LONRF2: variants seen among roughly 807,000 people sequenced by gnomAD.
The protein encoded by LONRF2 is LON peptidase N-terminal domain and RING finger protein 2.
In LONRF2, 35 loss-of-function variants were observed where a neutral mutation model predicts 66.6. The observed-to-expected ratio is 0.53, with a 90% CI of 0.40 to 0.70. The LOEUF (loss-of-function observed/expected upper bound fraction) is 0.70, where lower values mean the gene tolerates loss of function less well. Ranked by LOEUF, LONRF2 falls within the 30% of genes least tolerant of loss-of-function variation. The pLI, the probability that LONRF2 is intolerant of heterozygous loss-of-function variation, is 0.00. For synonymous variants in LONRF2, 417 were observed against 418.1 expected, an observed-to-expected ratio of 1.00 and a Z score of 0.03; for missense variants, 902 against 1,002.1, an observed-to-expected ratio of 0.90 and a Z score of 1.35.
At chr2:100,296,800 A>G (rs116418091) in intron 7 of LONRF2, among the ~76,000 whole-genome samples, 3,566 of 152,308 alleles carry the variant, frequency 0.023, 58 homozygotes, top group Non-Finnish European at 0.035. Flanking sequence ...GTAATACAAT[A>G]AAACATGCTC....
chr2:100,288,835 C>T (rs1674897663), intron 10 of LONRF2, among the ~76,000 whole-genome samples: 1 of 152,170 alleles, frequency 6.6e-6, no homozygotes, highest in East Asian at 1.9e-4. Context: ...GGTAGTATTC[C>T]ATTGCATGAA....
In LONRF2 at chr2:100,272,851, C is replaced by G. The variant is rs1023049503; in HGVS notation, c.*11447G>C. ...TTTAAAAGTAATTATGGTTTTAAGC[C>G]AAAGCCATTGGCAGCCCTCTTTCCT... On this transcript the variant is annotated 3_prime_UTR_variant, in exon 12 of 12. Transcript: ENST00000393437. Among the ~76,000 whole-genome samples the G allele has an allele frequency of 6.6e-6, 1 of 152,156 alleles. No individual in the cohort carries two copies.
intron 3 of LONRF2, 23 bp from the exon 4 acceptor site, chr2:100,300,810 A>G: frequency 6.5e-7 from 1 of 1,543,470 alleles, no homozygotes; most frequent in Non-Finnish European, 8.7e-7. Flanking sequence ...CAAGAAAAGA[A>G]AAAATATATA....
At position 100,279,238 on chromosome 2, in the gene LONRF2, A is replaced by AC. The variant is rs1412001277; in HGVS notation, c.*5059dup. On this transcript the variant is annotated 3_prime_UTR_variant, in exon 12 of 12. Coordinates refer to ENST00000393437, the MANE Select transcript of LONRF2 (RefSeq NM_198461.4). ...CAGCCACACAACCGCCAGACCTGCC[A>AC]CCCCGAGCCGAGAAACACCGCGATA... The AC allele has an allele frequency of 2.6e-5, 4 of 151,978 alleles. No individual in the cohort carries two copies. Among genetic ancestry groups the AC allele is most frequent in the African/African-American group, 9.7e-5 (4 of 41,390 alleles). 9.4% of individuals were successfully genotyped at this position (151,978 alleles called of 1,614,324 possible). A position where few individuals can be genotyped will look rare whatever the true frequency, so the allele number is the denominator to read the frequency against.
chr2:100,308,752 A>T (rs1675346733), intron 2 of LONRF2, among the ~76,000 whole-genome samples: 2 of 152,358 alleles, frequency 1.3e-5, no homozygotes, highest in South Asian at 4.1e-4. Context: ...GCTAATCATG[A>T]TCATTATGTG....
In LONRF2 at chr2:100,299,217, C is replaced by T. The variant is rs760868934; in HGVS notation, c.1361+9G>A. The T allele has an allele frequency of 1.7e-5, 26 of 1,553,326 alleles. No individual in the cohort carries two copies. The highest frequency in any genetic ancestry group is 2.2e-5 in the Non-Finnish European group (25 of 1,148,156). On this transcript the variant is annotated intron_variant, in intron 6 of 11. Transcript: ENST00000393437. ...TTAAAAGAGTTGCACGGATTCTGTA[C>T]CATCCTACCTCATGCAGAGGGCACA...
In LONRF2 at chr2:100,297,300, GTTTTTGTATTTTTT is replaced by G. The variant is rs1212231853; in HGVS notation, c.1476+1522_1476+1535del. Among the ~76,000 whole-genome samples the G allele has an allele frequency of 5.2e-4, 36 of 69,228 alleles. No individual in the cohort carries two copies. The South Asian group carries it at 0.014, about 26-fold the overall frequency. The allele number at this position is 69,228 out of a possible 152,430, so 45.4% of individuals were successfully genotyped here. A position where few individuals can be genotyped will look rare whatever the true frequency, so the allele number is the denominator to read the frequency against. ...CCCGCCACCATACCTGGCTAATTTTGTTTTTGTATTTTTTTTTTAGTAGAGACGGGGTTTCACCG... is the reference window on the plus strand; with the variant it reads ...CCCGCCACCATACCTGGCTAATTTTGTTTTAGTAGAGACGGGGTTTCACCG... On this transcript the variant is annotated intron_variant, in intron 7 of 11. Transcript: ENST00000393437.
Position 100,284,483 on chromosome 2 carries a change from TG to T in LONRF2, c.2079del (p.Ser694AlafsTer26). On this transcript the variant is annotated frameshift_variant, in exon 12 of 12. Coordinates refer to ENST00000393437, the MANE Select transcript of LONRF2 (RefSeq NM_198461.4). LOFTEE classifies it low-confidence loss of function (END_TRUNC). ...ATCCACCAGGACCAGGCAGGGCCGCTGGGATTACTCTGCAAAAGAGATGAGG... is the reference window on the plus strand; with the variant it reads ...ATCCACCAGGACCAGGCAGGGCCGCTGGATTACTCTGCAAAAGAGATGAGG... ...PDREPEPQSN[P>X]SGPAWSWWIL... 6.3e-7 allele frequency: 1 copy of T among 1,588,422 alleles called. No homozygotes were observed. Among genetic ancestry groups the T allele is most frequent in the Non-Finnish European group, 8.6e-7 (1 of 1,167,618 alleles).
chr2:100,307,035 C>A (rs1450814310), intron 2 of LONRF2, among the ~76,000 whole-genome samples: 1 of 151,610 alleles, frequency 6.6e-6, no homozygotes, highest in Non-Finnish European at 1.5e-5. Context: ...ATTCTCCTGC[C>A]TCCGCCTCCC....
At chr2:100,301,416 G>A (rs1051085044) in intron 3 of LONRF2, among the ~76,000 whole-genome samples, 1 of 152,202 alleles carries the variant, frequency 6.6e-6, no homozygotes, top group African/African-American at 2.4e-5. Flanking sequence ...AAGCAGAAAG[G>A]AGTGACTGAA....
intron 6 of LONRF2, 74 bp downstream of exon 6, chr2:100,299,152 C>T (rs1675127959): frequency 5.5e-6 from 6 of 1,097,226 alleles, no homozygotes; most frequent in Non-Finnish European, 6.6e-6. Context: ...TAATAAAAAG[C>T]CCATTACACT....
chr2:100,284,256 TAAA>T lies in LONRF2; in HGVS notation c.*39_*41del, dbSNP rs764567592. ...GCTATTCGTCCATGCCTGACATTTA[TAAA>T]AGCACAAGGGCTGCCAGAAACCTTG... On this transcript the variant is annotated 3_prime_UTR_variant, in exon 12 of 12. Coordinates refer to ENST00000393437, the MANE Select transcript of LONRF2 (RefSeq NM_198461.4). 14 of 1,450,376 alleles carry T rather than the reference TAAA, an allele frequency of 9.7e-6. No individual in the cohort carries two copies. In the African/African-American group the frequency reaches 2.0e-4, roughly 21 times the overall value. The allele number at this position is 1,450,376 out of a possible 1,614,324, so 89.8% of individuals were successfully genotyped here.
chr2:100,272,010 A>G lies in LONRF2; in HGVS notation c.*12288T>C, dbSNP rs182161868. On this transcript the variant is annotated 3_prime_UTR_variant, in exon 12 of 12. Transcript: ENST00000393437. ...AAAATGCCTGATCCTTACAACTCAC[A>G]TATAAAAGACTTCATCAGAGGTTTT... 1.3e-5 allele frequency among the ~76,000 whole-genome samples: 2 copies of G among 152,244 alleles called. No homozygotes were observed. Among genetic ancestry groups the G allele is most frequent in the Non-Finnish European group, 2.9e-5 (2 of 68,042 alleles).
chr2:100,321,719 G>T lies in LONRF2; in HGVS notation c.375C>A (p.Pro125=). The change falls in exon 1 of 12, where the codon CCC becomes CCA. Residue 125 remains proline (P), a synonymous_variant. Coordinates refer to ENST00000393437, the MANE Select transcript of LONRF2 (RefSeq NM_198461.4). ...GCTCCGGGGCCGGCCCTCCCTCGCC[G>T]GGCGCCTCGGGCTCGCCGCCCGGGT... is the stretch of plus-strand genomic sequence containing the variant. The part of the protein sequence containing the change: ...AENPGGEPEA[P]GEGGPAPEPR... The T allele has an allele frequency of 8.7e-7, 1 of 1,150,662 alleles. No individual in the cohort carries two copies. The highest frequency in any genetic ancestry group is 1.1e-6 in the Non-Finnish European group (1 of 938,336). The allele number at this position is 1,150,662 out of a possible 1,614,324, so 71.3% of individuals were successfully genotyped here.
At chr2:100,307,002 C>G (rs895523612) in intron 2 of LONRF2, among the ~76,000 whole-genome samples, 30 of 150,448 alleles carry the variant, frequency 2.0e-4, no homozygotes, top group African/African-American at 5.2e-4. Flanking sequence ...CTCACTGCAA[C>G]CTCCGCCTCC....
In LONRF2 at chr2:100,321,886, G is replaced by T; in HGVS notation, c.208C>A (p.Arg70Ser). 1 of 1,230,438 alleles carries T rather than the reference G, an allele frequency of 8.1e-7. No homozygotes were observed. The highest frequency in any genetic ancestry group is 3.4e-5 in the South Asian group (1 of 29,654). The allele number at this position is 1,230,438 out of a possible 1,614,324, so 76.2% of individuals were successfully genotyped here. The change falls in exon 1 of 12, where the codon CGC becomes AGC. Residue 70 changes from arginine (R) to serine (S), a missense_variant. Around this residue, in one of 2 missense-constraint regions of LONRF2, gnomAD observed 585 missense variants for 569.9 expected, o/e 1.03. Coordinates refer to ENST00000393437, the MANE Select transcript of LONRF2 (RefSeq NM_198461.4). The stretch of plus-strand genomic sequence containing the variant: ...AGGGCTTCGGGGAGGCGGCCGGCGC[G>T]GGCCAGCGCGTCCCCCAGCCTCAGG... ...LCLRLGDALARAGRLPEALGA... is the reference protein window; with the variant it reads ...LCLRLGDALASAGRLPEALGA...
At chr2:100,310,389 C>T (rs1675385879) in intron 1 of LONRF2, among the ~76,000 whole-genome samples, 1 of 152,226 alleles carries the variant, frequency 6.6e-6, no homozygotes, top group South Asian at 2.1e-4. Flanking sequence ...TCTCATCCCT[C>T]TACCTAATGT....
Position 100,321,438 on chromosome 2 carries a change from C to T in LONRF2, c.656G>A (p.Arg219Lys), listed in dbSNP as rs762009991. The change falls in exon 1 of 12, where the codon AGG becomes AAG. Residue 219 changes from arginine (R) to lysine (K), a missense_variant. Coordinates refer to ENST00000393437, the MANE Select transcript of LONRF2 (RefSeq NM_198461.4). ...RQQQPEAALL[R>K]CDQALELAPD... ...ACCCAGCTCCAGGGCCTGGTCGCAC[C>T]TGAGCAGCGCGGCCTCCGGCTGCTG... 2.7e-5 allele frequency: 41 copies of T among 1,490,962 alleles called. No homozygotes were observed. Among genetic ancestry groups the T allele is most frequent in the Non-Finnish European group, 3.5e-5 (40 of 1,130,620 alleles). 92.4% of individuals were successfully genotyped at this position (1,490,962 alleles called of 1,614,324 possible). A position where few individuals can be genotyped will look rare whatever the true frequency, so the allele number is the denominator to read the frequency against.
rs1674625508 is a variant in LONRF2 at position 100,277,581 on chromosome 2, G to A, written c.*6717C>T. ...TAGATTAACTGAGTGAACAGCAGTG[G>A]GAGTTCACAGAGGGTACAGATGGCA... On this transcript the variant is annotated 3_prime_UTR_variant, in exon 12 of 12. Coordinates refer to ENST00000393437, the MANE Select transcript of LONRF2 (RefSeq NM_198461.4). The A allele has an allele frequency of 6.6e-6, 1 of 152,134 alleles. No homozygotes were observed. The highest frequency in any genetic ancestry group is 1.9e-4 in the East Asian group (1 of 5,184). 9.4% of individuals were successfully genotyped at this position (152,134 alleles called of 1,614,324 possible).
Sources: gnomAD v4.1 joint callset for allele counts (sites outside exome capture counted in the v4.1 genomes callset) on GRCh38, gnomAD v4.1.1 for gene constraint, gnomAD v4.1.1 regional missense constraint, MANE v1.5 for transcripts, NCBI Gene and HGNC (gene_info 2026-07-23, HGNC 2026-07-21) for gene names.